Variants in TEX9 observed in about 807,000 individuals in gnomAD.
TEX9 encodes the protein testis expressed 9.
In TEX9, 74 loss-of-function variants were observed where a neutral mutation model predicts 59.6. The ratio of observed to expected loss-of-function variants is 1.24; its 90% CI spans 1.03 to 1.51. TEX9 has a LOEUF of 1.51. Among genes scored for constraint, TEX9 ranks in the 40% most tolerant of loss-of-function variants. The pLI is 0.00. For synonymous variants in TEX9, 186 were observed against 152.2 expected (o/e 1.22, Z -1.64); for missense variants, 522 against 447.8 (o/e 1.17, Z -1.49).
intron 9 of TEX9, chr15:56,395,146 A>T: frequency 2.9e-6 from 1 of 344,548 alleles, no homozygotes; most frequent in Non-Finnish European, 5.2e-6. Context: ...TCAATCCCTT[A>T]CAGCCCTAGG....
intron 10 of TEX9, among the ~76,000 whole-genome samples, chr15:56,425,707 G>C (rs539000956): frequency 1.3e-5 from 2 of 152,094 alleles, no homozygotes; most frequent in Non-Finnish European, 2.9e-5. Context: ...AGAAGCCTTT[G>C]TTTCTTTAGG....
intron 10 of TEX9, among the ~76,000 whole-genome samples, chr15:56,426,371 C>G (rs1198928506): frequency 1.3e-5 from 2 of 151,682 alleles, no homozygotes; most frequent in Non-Finnish European, 2.9e-5. Flanking sequence ...TTTCCTACTG[C>G]TTTGAATATG....
At chr15:56,341,754 A>G (rs1306620351) in intron 1 of TEX9, among the ~76,000 whole-genome samples, 3 of 152,210 alleles carry the variant, frequency 2.0e-5, no homozygotes, top group African/African-American at 7.2e-5. Flanking sequence ...TCATGAGTGG[A>G]TATAAATATG....
rs145711174 is a variant in TEX9 at position 56,419,889 on chromosome 15, C to T, written c.963+7453C>T. Among the ~76,000 whole-genome samples, 22 of 151,832 alleles carry T rather than the reference C, an allele frequency of 1.4e-4. No individual in the cohort carries two copies. The East Asian group carries it at 1.9e-3, about 13-fold the overall frequency. On this transcript the variant is annotated intron_variant, in intron 10 of 12. Coordinates refer to ENST00000352903, the Ensembl canonical transcript of TEX9. ...GTCTGGTAGAGTCCACAGGTAAAGC[C>T]GTCTGGGCCTGAGGTTTTCTTGTGG...
At chr15:56,317,357 T>C (rs2141670662) in intron 1 of TEX9, among the ~76,000 whole-genome samples, 1 of 152,374 alleles carries the variant, frequency 6.6e-6, no homozygotes, top group Middle Eastern at 3.4e-3. Context: ...CCTTTTGGTT[T>C]CTGTAAGGTA....
At chr15:56,277,314 G>A (rs188587240) in intron 1 of TEX9, among the ~76,000 whole-genome samples, 7 of 152,156 alleles carry the variant, frequency 4.6e-5, no homozygotes, top group East Asian at 1.9e-4. Flanking sequence ...TAGGTTTTAC[G>A]TTTAAGCCTT....
chr15:56,306,136 T>A (rs763145864), intron 1 of TEX9, among the ~76,000 whole-genome samples: 12 of 151,506 alleles, frequency 7.9e-5, no homozygotes, highest in Non-Finnish European at 1.6e-4. Flanking sequence ...AAGGTAACCC[T>A]TGTACACTGT....
At chr15:56,295,708 A>T (rs2045202071) in intron 1 of TEX9, among the ~76,000 whole-genome samples, 1 of 152,148 alleles carries the variant, frequency 6.6e-6, no homozygotes, top group African/African-American at 2.4e-5. Context: ...GCCTAGGGAG[A>T]GTCCTGGCTT....
At chr15:56,278,007 C>T (rs75235611) in intron 1 of TEX9, among the ~76,000 whole-genome samples, 3,706 of 151,978 alleles carry the variant, frequency 0.024, 81 homozygotes, top group Non-Finnish European at 0.037. Flanking sequence ...CCCCTTTCCA[C>T]GAAGCTTCTT....
intron 1 of TEX9, among the ~76,000 whole-genome samples, chr15:56,262,398 T>C (rs2044288286): frequency 6.6e-6 from 1 of 152,226 alleles, no homozygotes; most frequent in Admixed American, 6.5e-5. Context: ...TTCCAGACAT[T>C]TTCAGATCTT....
chr15:56,279,384 AAT>A (rs1409008979), intron 1 of TEX9, among the ~76,000 whole-genome samples: 1 of 152,218 alleles, frequency 6.6e-6, no homozygotes, highest in Admixed American at 6.5e-5. Context: ...TACTATAGTG[AAT>A]ATGTGTCAAA....
Position 56,394,276 on chromosome 15 carries a change from C to G in TEX9, c.654+29C>G, listed in dbSNP as rs1452193061. On this transcript the variant is annotated intron_variant, in intron 8 of 12. Transcript: ENST00000352903. ...AGTTTTAAAAACCTCTTAAAAGGCT[C>G]TAATATTCAAAGATATTTTAGGAGC... 3.3e-6 allele frequency: 5 copies of G among 1,527,428 alleles called. No homozygotes were observed. The Admixed American group carries it at 6.0e-5, about 18-fold the overall frequency. 94.6% of individuals were successfully genotyped at this position (1,527,428 alleles called of 1,614,324 possible).
rs78039370 is a variant in TEX9, at chr15:56,388,256, A to G, written c.264-216A>G. Among the ~76,000 whole-genome samples, 70 of 152,186 alleles carry G rather than the reference A, an allele frequency of 4.6e-4. No individual in the cohort carries two copies. The South Asian group carries it at 4.8e-3, about 10-fold the overall frequency. On this transcript the variant is annotated intron_variant, in intron 4 of 12. Coordinates refer to ENST00000352903, the Ensembl canonical transcript of TEX9. ...TACATTTTCCTACTAGAATATTGGC[A>G]TTATAGTGTATCTTCTCAAAGGTGA...
At chr15:56,443,958 A>G in intron 12 of TEX9, 1 of 883,114 alleles carries the variant, frequency 1.1e-6, no homozygotes, top group South Asian at 2.1e-5. Context: ...TAGTTTTTTC[A>G]TTCGTGCATG....
At chr15:56,316,936 T>C (rs1216866529) in intron 1 of TEX9, among the ~76,000 whole-genome samples, 1 of 152,152 alleles carries the variant, frequency 6.6e-6, no homozygotes, top group Non-Finnish European at 1.5e-5. Flanking sequence ...GTCACCCCTT[T>C]CTTTGACTCA....
chr15:56,431,461 C>G, intron 12 of TEX9: 1 of 1,613,510 alleles, frequency 6.2e-7, no homozygotes, highest in Non-Finnish European at 8.5e-7. Context: ...AAATCCTTGC[C>G]GCCTTTGCTG....
chr15:56,394,480 G>C, intron 8 of TEX9, 181 bp from the exon 9 acceptor site: 1 of 628,114 alleles, frequency 1.6e-6, no homozygotes. Flanking sequence ...CAAATGTAGT[G>C]TAAGCTATTA....
intron 9 of TEX9, among the ~76,000 whole-genome samples, chr15:56,403,072 C>T (rs1426011772): frequency 6.6e-6 from 1 of 152,206 alleles, no homozygotes; most frequent in Non-Finnish European, 1.5e-5. Flanking sequence ...TGAAAACTGG[C>T]ACAAGAGAAG....
chr15:56,425,885 G>A (rs1035323294), intron 10 of TEX9, among the ~76,000 whole-genome samples: 24 of 152,132 alleles, frequency 1.6e-4, no homozygotes, highest in African/African-American at 5.8e-4. Flanking sequence ...AATCAGCATG[G>A]TGTAAAGTCT....
Sources: allele counts gnomAD v4.1 joint callset (sites outside exome capture counted in the v4.1 genomes callset), GRCh38; gene constraint gnomAD v4.1.1; transcripts MANE v1.5; gene names NCBI Gene and HGNC (gene_info 2026-07-23, HGNC 2026-07-21).